TAFA5: variants seen among roughly 807,000 people sequenced by gnomAD.
TAFA5 encodes TAFA chemokine like family member 5, also known as chemokine-like protein TAFA-5.
Under a neutral mutation model 15.3 loss-of-function variants are expected in TAFA5, and 6 were observed. The ratio of observed to expected loss-of-function variants is 0.39; its 90% confidence interval spans 0.21 to 0.77. The LOEUF is 0.77. TAFA5 is among the 30% of genes least tolerant of loss of function. The pLI is 0.41. For missense variants in TAFA5, 161 were observed against 193.1 expected (o/e 0.83, Z 0.98); for synonymous variants, 103 against 80.7 (o/e 1.28, Z -1.48).
intron 2 of TAFA5, among the ~76,000 whole-genome samples, chr22:48,678,761 TAAAAA>T (rs58165740): frequency 1.4e-5 from 2 of 148,006 alleles, no homozygotes; most frequent in Admixed American, 6.7e-5. Flanking sequence ...AAAACAAAGT[TAAAAA>T]AAAAAAATGC....
chr22:48,659,404 G>C (rs764214685), intron 2 of TAFA5, among the ~76,000 whole-genome samples: 22 of 152,220 alleles, frequency 1.4e-4, no homozygotes, highest in Admixed American at 1.3e-4. Context: ...AGAGAGGCTG[G>C]ACCTCATGGT....
At chr22:48,656,770 T>A (rs1436363570) in intron 2 of TAFA5, among the ~76,000 whole-genome samples, 587 of 33,432 alleles carry the variant, frequency 0.018, 22 homozygotes, top group African/African-American at 0.048. Flanking sequence ...TTTTTTTTTT[T>A]TTTTTTTTTT....
intron 3 of TAFA5, among the ~76,000 whole-genome samples, chr22:48,718,754 C>A (rs956119963): frequency 6.6e-6 from 1 of 152,198 alleles, no homozygotes; most frequent in Non-Finnish European, 1.5e-5. Flanking sequence ...GGGAGTTCCA[C>A]CCCCGCCCCC....
intron 2 of TAFA5, among the ~76,000 whole-genome samples, chr22:48,692,606 C>G (rs186706894): frequency 3.0e-4 from 46 of 152,238 alleles, no homozygotes; most frequent in African/African-American, 1.1e-3. Flanking sequence ...GCCTGACAGT[C>G]TGATGAAGGT....
At chr22:48,704,843 C>T (rs112280665) in intron 2 of TAFA5, among the ~76,000 whole-genome samples, 6 of 152,210 alleles carry the variant, frequency 3.9e-5, no homozygotes, top group East Asian at 1.9e-4. Flanking sequence ...TATTTTCTCA[C>T]GGTTCTGGAG....
intron 2 of TAFA5, among the ~76,000 whole-genome samples, chr22:48,663,407 G>A (rs1401597944): frequency 2.0e-5 from 3 of 152,144 alleles, no homozygotes; most frequent in African/African-American, 7.2e-5. Context: ...CTGGTGACGA[G>A]GGGAGACGCA....
At chr22:48,575,444 C>G (rs1413137403) in intron 1 of TAFA5, among the ~76,000 whole-genome samples, 1 of 146,278 alleles carries the variant, frequency 6.8e-6, no homozygotes, top group African/African-American at 2.5e-5. Context: ...CCACCTGGGC[C>G]GGCAGCGACT....
chr22:48,490,575 C>T lies in TAFA5; in HGVS notation c.112+871C>T, dbSNP rs1159272455. On this transcript the variant is annotated intron_variant, in intron 1 of 3. Transcript: ENST00000402357. The surrounding 1 kb of genome is among the most constrained non-coding windows in gnomAD (Gnocchi z 5.8). ...GGAGGGTGCTCAGCATCCCGGGGCA[C>T]GTTCGCGGCTGGTGGGGTAAGTGGG... 6.6e-6 allele frequency among the ~76,000 whole-genome samples: 1 copy of T among 151,624 alleles called. No individual in the cohort carries two copies. The highest frequency in any genetic ancestry group is 6.6e-5 in the Admixed American group (1 of 15,266).
chr22:48,493,944 A>C (rs1027306018), intron 1 of TAFA5, among the ~76,000 whole-genome samples: 2 of 152,090 alleles, frequency 1.3e-5, no homozygotes, highest in Admixed American at 6.5e-5. Context: ...TCTTTCACTG[A>C]GATAGGGCCA....
intron 2 of TAFA5, among the ~76,000 whole-genome samples, chr22:48,660,505 ATT>A: frequency 1.3e-5 from 2 of 152,270 alleles, no homozygotes; most frequent in East Asian, 3.9e-4. Context: ...TTTACACAGA[ATT>A]TTCCCCTAGA....
chr22:48,552,973 C>G lies in TAFA5; in HGVS notation c.112+63269C>G, dbSNP rs1922909309. Reference sequence around the variant, plus strand: ...GATCTGAGGGGGGCTCGTCCCCAACCACCTGGTCACAGGCAGAGATTGGTC... The same window carrying G: ...GATCTGAGGGGGGCTCGTCCCCAACGACCTGGTCACAGGCAGAGATTGGTC... On this transcript the variant is annotated intron_variant, in intron 1 of 3. Transcript: ENST00000402357. The surrounding 1 kb of genome is among the most constrained non-coding windows in gnomAD (Gnocchi z 4.1). Among the ~76,000 whole-genome samples, 1 of 152,162 alleles carries G rather than the reference C, an allele frequency of 6.6e-6. No individual in the cohort carries two copies. Among genetic ancestry groups the G allele is most frequent in the African/African-American group, 2.4e-5 (1 of 41,448 alleles).
intron 1 of TAFA5, among the ~76,000 whole-genome samples, chr22:48,589,905 T>A (rs1047041858): frequency 6.6e-6 from 1 of 151,980 alleles, no homozygotes; most frequent in African/African-American, 2.4e-5. Flanking sequence ...GCCACGAGTT[T>A]GTGGTGGTTT....
intron 1 of TAFA5, among the ~76,000 whole-genome samples, chr22:48,639,667 G>GCC (rs892734945): frequency 6.6e-6 from 1 of 152,028 alleles, no homozygotes; most frequent in African/African-American, 2.4e-5. Context: ...TGCCCCACCA[G>GCC]CCCCCGCCTA....
At chr22:48,639,668 C>A (rs945506035) in intron 1 of TAFA5, among the ~76,000 whole-genome samples, 1 of 152,186 alleles carries the variant, frequency 6.6e-6, no homozygotes. Flanking sequence ...GCCCCACCAG[C>A]CCCCGCCTAG....
intron 1 of TAFA5, among the ~76,000 whole-genome samples, chr22:48,524,260 G>A (rs1321481589): frequency 1.3e-5 from 2 of 152,196 alleles, no homozygotes; most frequent in Admixed American, 1.3e-4. Context: ...TTGACAGTGT[G>A]GGGGCTGGTG....
chr22:48,724,403 C>G (rs888164313), intron 3 of TAFA5, among the ~76,000 whole-genome samples: 1 of 152,154 alleles, frequency 6.6e-6, no homozygotes, highest in Non-Finnish European at 1.5e-5. Flanking sequence ...ACACCTGGGA[C>G]CCTCCACTCA....
intron 1 of TAFA5, among the ~76,000 whole-genome samples, chr22:48,535,403 C>T (rs1029021091): frequency 1.3e-5 from 2 of 152,262 alleles, no homozygotes; most frequent in African/African-American, 2.4e-5. Flanking sequence ...TTCAGTATTA[C>T]ACGGGTGTGT....
At chr22:48,650,810 C>CAGGCA (rs66586107) in intron 2 of TAFA5, among the ~76,000 whole-genome samples, 23,924 of 152,144 alleles carry the variant, frequency 0.16, 2,172 homozygotes, top group Admixed American at 0.29. Flanking sequence ...GCCTCCCCTC[C>CAGGCA]CCCAGGGCTG....
At position 48,552,655 on chromosome 22, in the gene TAFA5, G is replaced by A. The variant is rs567103646; in HGVS notation, c.112+62951G>A. On this transcript the variant is annotated intron_variant, in intron 1 of 3. Coordinates refer to ENST00000402357, the MANE Select transcript of TAFA5 (RefSeq NM_001082967.3). This position sits in a 1 kb window ranked among gnomAD's most constrained non-coding sequence, Gnocchi z 4.1. ...AGGGTGGGAGACCCCTTCCAGAGGG[G>A]CCCCTGTAGATTAGCTCAGCTTACT... Among the ~76,000 whole-genome samples, 202 of 152,276 alleles carry A rather than the reference G, an allele frequency of 1.3e-3. No homozygotes were observed. The highest frequency in any genetic ancestry group is 3.9e-3 in the African/African-American group (164 of 41,542).
Sources: allele counts gnomAD v4.1 joint callset (sites outside exome capture counted in the v4.1 genomes callset), GRCh38; gene constraint gnomAD v4.1.1; non-coding constraint Gnocchi (gnomAD v3.1); transcripts MANE v1.5; gene names NCBI Gene and HGNC (gene_info 2026-07-23, HGNC 2026-07-21).